N4BP2L2: variants seen among roughly 807,000 people sequenced by gnomAD.
The protein encoded by N4BP2L2 is NEDD4-binding protein 2-like 2.
Under a neutral mutation model 56.2 loss-of-function variants are expected in N4BP2L2, and 50 were observed. That is an observed-to-expected ratio of 0.89 (90% CI 0.71 to 1.13). The LOEUF is 1.13. Among genes scored for constraint, N4BP2L2 ranks in the 50% most tolerant of loss-of-function variants. The pLI is 0.00. For synonymous variants in N4BP2L2, 203 were observed against 223.6 expected (o/e 0.91, Z 0.82); for missense variants, 689 against 693.8 (o/e 0.99, Z 0.08).
Position 32,538,556 on chromosome 13 carries a change from G to A in N4BP2L2, c.-1+62C>T, listed in dbSNP as rs1287582144. ...CAGCTAATCTAAACAGTCCAGTCAA[G>A]AAGTGAAAGCGAAAAACACCACCAC... is the stretch of plus-strand genomic sequence containing the variant. On this transcript the variant is annotated intron_variant, in intron 1 of 5. Coordinates refer to ENST00000267068, the Ensembl canonical transcript of N4BP2L2. The A allele has an allele frequency of 1.2e-5, 11 of 899,566 alleles. 1 individual carries two copies. In the African/African-American group the frequency reaches 2.0e-4, roughly 16 times the overall value. The allele number at this position is 899,566 out of a possible 1,614,324, so 55.7% of individuals were successfully genotyped here.
At chr13:32,442,681 G>A in exon 7 of N4BP2L2, 2 of 1,613,774 alleles carry the variant, frequency 1.2e-6, no homozygotes, top group South Asian at 1.1e-5. Flanking sequence ...AGATTCGAAA[G>A]TCAAAAACAG....
At chr13:32,439,416 C>T (rs543386363) in intron 7 of N4BP2L2, among the ~76,000 whole-genome samples, 4 of 152,206 alleles carry the variant, frequency 2.6e-5, no homozygotes, top group East Asian at 3.9e-4. Flanking sequence ...TCAAGGTAAG[C>T]GAGGCATAGA....
intron 6 of N4BP2L2, chr13:32,478,954 ACGCTATCT>A (rs1485228281): frequency 6.6e-6 from 1 of 152,106 alleles, no homozygotes; most frequent in Non-Finnish European, 1.5e-5. Context: ...ACATGGTGAA[ACGCTATCT>A]CTACTAACAA....
chr13:32,488,998 G>T (rs751524534), intron 6 of N4BP2L2, among the ~76,000 whole-genome samples: 1 of 152,158 alleles, frequency 6.6e-6, no homozygotes, highest in Non-Finnish European at 1.5e-5. Flanking sequence ...TCTTGAACCT[G>T]GGAGGTGGAG....
intron 6 of N4BP2L2, among the ~76,000 whole-genome samples, chr13:32,494,509 A>G (rs932464350): frequency 6.6e-6 from 1 of 152,106 alleles, no homozygotes; most frequent in African/African-American, 2.4e-5. Context: ...CAAGCCTGTA[A>G]TCCTAGCACT....
chr13:32,536,583 T>C (rs375163250), exon 2 of N4BP2L2: 23 of 1,613,872 alleles, frequency 1.4e-5, no homozygotes, highest in Non-Finnish European at 1.9e-5. Context: ...CTGTCATTTA[T>C]ACCATTTAGA....
chr13:32,518,022 A>G lies in N4BP2L2; in HGVS notation c.1551-19T>C, dbSNP rs547185059. On this transcript the variant is annotated intron_variant, in intron 5 of 5. Coordinates refer to ENST00000267068, the Ensembl canonical transcript of N4BP2L2. Reference sequence around the variant, plus strand: ...ATTCCTCCTAACAAAAAAGAAAAGGATTGTAAATCTTTGTTGCAGAATGTA... The same window carrying G: ...ATTCCTCCTAACAAAAAAGAAAAGGGTTGTAAATCTTTGTTGCAGAATGTA... The G allele has an allele frequency of 3.9e-5, 62 of 1,609,302 alleles. No homozygotes were observed. The highest frequency in any genetic ancestry group is 4.1e-4 in the Middle Eastern group (2 of 4,892).
At chr13:32,452,252 G>A (rs1048730716) in intron 6 of N4BP2L2, among the ~76,000 whole-genome samples, 13 of 151,976 alleles carry the variant, frequency 8.6e-5, no homozygotes, top group African/African-American at 2.9e-4. Context: ...GTAGAGACGG[G>A]GTTTCTCTAT....
exon 6 of N4BP2L2, chr13:32,511,760 T>C (rs1327330832): frequency 6.6e-6 from 1 of 151,790 alleles, no homozygotes. Flanking sequence ...TACAGGAGGA[T>C]AGCTGAGCAA....
At chr13:32,501,764 G>A (rs892225813) in intron 6 of N4BP2L2, among the ~76,000 whole-genome samples, 2 of 151,790 alleles carry the variant, frequency 1.3e-5, no homozygotes, top group Non-Finnish European at 2.9e-5. Context: ...GCATTGAGCC[G>A]AGATCGCGCC....
chr13:32,538,535 T>G (rs2057212814), intron 1 of N4BP2L2, 83 bp downstream of exon 1: 1 of 780,074 alleles, frequency 1.3e-6, no homozygotes, highest in African/African-American at 1.9e-5. Flanking sequence ...CGTTTACAGC[T>G]AATCTAAACA....
intron 6 of N4BP2L2, among the ~76,000 whole-genome samples, chr13:32,494,380 A>T (rs1444526484): frequency 6.6e-6 from 1 of 152,212 alleles, no homozygotes; most frequent in Non-Finnish European, 1.5e-5. Context: ...TGTTAATACC[A>T]TCAAATAGAA....
chr13:32,446,413 T>C, intron 6 of N4BP2L2: 1 of 1,363,186 alleles, frequency 7.3e-7, no homozygotes, highest in Non-Finnish European at 9.8e-7. Flanking sequence ...AGTTATGAAA[T>C]TCATCCTGCA....
intron 6 of N4BP2L2, among the ~76,000 whole-genome samples, chr13:32,453,560 C>T (rs371903050): frequency 1.4e-4 from 22 of 152,262 alleles, no homozygotes; most frequent in African/African-American, 3.4e-4. Context: ...GAGCATAGCA[C>T]GCTATGGCCT....
At chr13:32,535,017 A>T (rs1039798534) in intron 2 of N4BP2L2, among the ~76,000 whole-genome samples, 1 of 152,240 alleles carries the variant, frequency 6.6e-6, no homozygotes, top group Non-Finnish European at 1.5e-5. Flanking sequence ...TACTCACTTC[A>T]AACTCCTGAA....
intron 1 of N4BP2L2, among the ~76,000 whole-genome samples, chr13:32,537,279 T>A (rs2140368681): frequency 6.6e-6 from 1 of 151,876 alleles, no homozygotes; most frequent in Non-Finnish European, 1.5e-5. Context: ...TACATATATA[T>A]CTCTCTCAAC....
intron 7 of N4BP2L2, among the ~76,000 whole-genome samples, chr13:32,440,915 A>C (rs2076226754): frequency 7.3e-6 from 1 of 137,110 alleles, no homozygotes; most frequent in Non-Finnish European, 1.5e-5. Flanking sequence ...CAGTGGTGTG[A>C]TCTCGGCTCA....
intron 6 of N4BP2L2, among the ~76,000 whole-genome samples, chr13:32,449,907 GA>G (rs1453002430): frequency 1.3e-5 from 2 of 152,088 alleles, no homozygotes; most frequent in South Asian, 2.1e-4. Context: ...ATTGGAAGTG[GA>G]AAAAAATTTT....
chr13:32,490,935 TGG>T (rs2086921511), intron 6 of N4BP2L2, among the ~76,000 whole-genome samples: 1 of 150,714 alleles, frequency 6.6e-6, no homozygotes, highest in African/African-American at 2.4e-5. Context: ...CTTACACAAA[TGG>T]GTGGAAATAC....
Sources: gnomAD v4.1 joint callset for allele counts (sites outside exome capture counted in the v4.1 genomes callset) on GRCh38, gnomAD v4.1.1 for gene constraint, MANE v1.5 for transcripts, NCBI Gene and HGNC (gene_info 2026-07-23, HGNC 2026-07-21) for gene names.